ROBO2: variants seen among roughly 807,000 people sequenced by gnomAD.
ROBO2 encodes roundabout homolog 2.
Under a neutral mutation model 160.8 loss-of-function variants are expected in ROBO2, and 53 were observed. That is an observed-to-expected ratio of 0.33 (90% CI 0.26 to 0.41). The LOEUF (loss-of-function observed/expected upper bound fraction) is 0.41. Ranked by LOEUF, ROBO2 falls within the 10% of genes least tolerant of loss-of-function variation. The pLI is 1.00. For missense variants in ROBO2, 1,577 were observed against 1,722.4 expected, an observed-to-expected ratio of 0.92 and a Z score of 1.49; for synonymous variants, 664 against 611.7, an observed-to-expected ratio of 1.09 and a Z score of -1.26.
chr3:76,637,388 ATTTCTTTC>A (rs1226164784), intron 2 of ROBO2, among the ~76,000 whole-genome samples: 2 of 151,352 alleles, frequency 1.3e-5, no homozygotes, highest in Non-Finnish European at 2.9e-5. Flanking sequence ...AAAGACCTGC[ATTTCTTTC>A]TTTCTTTCTT....
chr3:76,117,932 C>A (rs185623093), intron 2 of ROBO2, among the ~76,000 whole-genome samples: 1 of 151,586 alleles, frequency 6.6e-6, no homozygotes, highest in South Asian at 2.1e-4. Flanking sequence ...CAAGAAAGAG[C>A]AACATTTTGC....
intron 2 of ROBO2, among the ~76,000 whole-genome samples, chr3:75,945,932 A>G (rs1478972349): frequency 1.3e-5 from 2 of 152,216 alleles, no homozygotes; most frequent in Admixed American, 6.6e-5. Context: ...AATATCTCTA[A>G]GTGGATACCT....
At chr3:77,023,012 C>T (rs2062736026) in intron 2 of ROBO2, among the ~76,000 whole-genome samples, 1 of 152,120 alleles carries the variant, frequency 6.6e-6, no homozygotes, top group Non-Finnish European at 1.5e-5. Context: ...AATTTGACTA[C>T]TCTAGGAATC....
At chr3:76,386,329 C>CCCTG (rs1436727984) in intron 2 of ROBO2, among the ~76,000 whole-genome samples, 1 of 85,494 alleles carries the variant, frequency 1.2e-5, no homozygotes, top group African/African-American at 6.0e-5. Context: ...TTCCCTCCTT[C>CCCTG]CCTCCCTCCC....
intron 2 of ROBO2, among the ~76,000 whole-genome samples, chr3:76,562,912 C>T (rs1329759054): frequency 6.6e-6 from 1 of 152,032 alleles, no homozygotes; most frequent in African/African-American, 2.4e-5. Context: ...TCCTTCCTTC[C>T]TTCCTCCCTC....
At position 76,677,958 on chromosome 3, in the gene ROBO2, C is replaced by CTT. The variant is rs1169307424; in HGVS notation, c.110-420028_110-420027dup. 7.5e-4 allele frequency among the ~76,000 whole-genome samples: 22 copies of CTT among 29,400 alleles called. 4 individuals carry two copies. The highest frequency in any genetic ancestry group is 1.1e-3 in the Non-Finnish European group (17 of 15,236). The allele number at this position is 29,400 out of a possible 152,430, so 19.3% of individuals were successfully genotyped here. A position where few individuals can be genotyped will look rare whatever the true frequency, so the allele number is the denominator to read the frequency against. On this transcript the variant is annotated intron_variant, in intron 2 of 26. Coordinates refer to the ROBO2 transcript ENST00000487694. ...TTCTCTCACAGAGAAAGAAAATATG[C>CTT]TTTTTTTTTTTTTTTTTTTTTTTTT...
chr3:77,040,638 T>G, exon 1 of ROBO2: 1 of 1,528,172 alleles, frequency 6.5e-7, no homozygotes, highest in Non-Finnish European at 8.7e-7. Context: ...CAACCCCTTC[T>G]GATCTTGCGA....
intron 2 of ROBO2, among the ~76,000 whole-genome samples, chr3:77,207,402 A>G (rs1015121834): frequency 3.9e-5 from 6 of 152,248 alleles, no homozygotes; most frequent in African/African-American, 1.2e-4. Flanking sequence ...TCTATATGAC[A>G]TAAGTCAGAA....
At chr3:77,046,076 T>A (rs2064635494) in intron 1 of ROBO2, among the ~76,000 whole-genome samples, 1 of 152,204 alleles carries the variant, frequency 6.6e-6, no homozygotes, top group Non-Finnish European at 1.5e-5. Context: ...ATCCACGTAC[T>A]AACTTTTGTG....
chr3:76,430,863 T>A (rs975159037), intron 2 of ROBO2, among the ~76,000 whole-genome samples: 3 of 152,048 alleles, frequency 2.0e-5, no homozygotes, highest in African/African-American at 7.2e-5. Flanking sequence ...GCTTAAAAAG[T>A]CTTAAAGGCT....
intron 23 of ROBO2, among the ~76,000 whole-genome samples, chr3:77,627,510 C>T (rs1490761278): frequency 6.6e-6 from 1 of 151,964 alleles, no homozygotes; most frequent in East Asian, 1.9e-4. Flanking sequence ...TTCTCAAACT[C>T]GTGACCTCAG....
chr3:76,365,733 T>G (rs995011987), intron 2 of ROBO2, among the ~76,000 whole-genome samples: 1 of 152,096 alleles, frequency 6.6e-6, no homozygotes, highest in African/African-American at 2.4e-5. Flanking sequence ...AACTATCTAT[T>G]AAATTGAATC....
intron 2 of ROBO2, among the ~76,000 whole-genome samples, chr3:77,453,023 T>C (rs968052945): frequency 6.6e-6 from 1 of 152,136 alleles, no homozygotes; most frequent in African/African-American, 2.4e-5. Flanking sequence ...GGCTGACATT[T>C]CCCCAAAGTA....
intron 2 of ROBO2, among the ~76,000 whole-genome samples, chr3:76,507,652 A>G (rs978358978): frequency 6.6e-6 from 1 of 152,114 alleles, no homozygotes; most frequent in African/African-American, 2.4e-5. Flanking sequence ...ATTAACTGAT[A>G]TAATCCTCAC....
At chr3:77,376,631 A>G (rs1239769324) in intron 2 of ROBO2, among the ~76,000 whole-genome samples, 1 of 152,064 alleles carries the variant, frequency 6.6e-6, no homozygotes, top group Non-Finnish European at 1.5e-5. Context: ...TTGGTTGCAT[A>G]TCCTTCTTGT....
chr3:77,480,259 A>T (rs1476208871), intron 3 of ROBO2, among the ~76,000 whole-genome samples: 1 of 152,034 alleles, frequency 6.6e-6, no homozygotes, highest in Non-Finnish European at 1.5e-5. Context: ...TTTCTTCAAG[A>T]ACACTCAATC....
chr3:77,116,506 G>T (rs2074215321), intron 2 of ROBO2, among the ~76,000 whole-genome samples: 1 of 151,928 alleles, frequency 6.6e-6, no homozygotes, highest in African/African-American at 2.4e-5. Flanking sequence ...GCCCTTCCTT[G>T]GCTCCTTCTC....
chr3:76,784,439 C>G (rs539535945), intron 2 of ROBO2, among the ~76,000 whole-genome samples: 95 of 151,188 alleles, frequency 6.3e-4, no homozygotes, highest in Admixed American at 1.5e-3. Context: ...ATTTATTTTC[C>G]CTAGGACAGT....
chr3:76,168,478 T>C (rs576815970), intron 2 of ROBO2, among the ~76,000 whole-genome samples: 1 of 152,192 alleles, frequency 6.6e-6, no homozygotes, highest in Non-Finnish European at 1.5e-5. Flanking sequence ...TGGATTGTCA[T>C]TGTCAGTTCT....
Sources: gnomAD v4.1 joint callset for allele counts (sites outside exome capture counted in the v4.1 genomes callset) on GRCh38, gnomAD v4.1.1 for gene constraint, MANE v1.5 for transcripts, NCBI Gene and HGNC (gene_info 2026-07-23, HGNC 2026-07-21) for gene names.